ZMIZ1: variants seen among roughly 807,000 people sequenced by gnomAD.
ZMIZ1 encodes the protein zinc finger MIZ domain-containing protein 1.
In ZMIZ1, 17 loss-of-function variants were observed where a neutral mutation model predicts 113.9. The observed-to-expected ratio is 0.15, with a 90% CI of 0.10 to 0.22. The LOEUF (loss-of-function observed/expected upper bound fraction) is 0.22, where lower values mean the gene tolerates loss of function less well. Ranked by LOEUF, ZMIZ1 falls within the 10% of genes least tolerant of loss-of-function variation. ZMIZ1 has a pLI of 1.00. For synonymous variants in ZMIZ1, 607 were observed against 603.1 expected (o/e 1.01, Z -0.09); for missense variants, 1,059 against 1,477.8 (o/e 0.72, Z 4.65).
chr10:79,136,045 G>A (rs1844994507), intron 2 of ZMIZ1, among the ~76,000 whole-genome samples: 1 of 152,154 alleles, frequency 6.6e-6, no homozygotes, highest in Non-Finnish European at 1.5e-5. Context: ...GCTCCTAGGG[G>A]GCCAAAAGGC....
chr10:79,277,697 G>A (rs533316437), intron 8 of ZMIZ1, among the ~76,000 whole-genome samples: 1 of 152,252 alleles, frequency 6.6e-6, no homozygotes, highest in African/African-American at 2.4e-5. Flanking sequence ...GCCAAGATGG[G>A]GACAGAGCCA....
At chr10:79,184,855 G>A (rs1564705171) in intron 4 of ZMIZ1, among the ~76,000 whole-genome samples, 1 of 152,130 alleles carries the variant, frequency 6.6e-6, no homozygotes, top group Non-Finnish European at 1.5e-5. Context: ...GCCCGTCCCC[G>A]AGTCTTTACT....
At chr10:79,299,854 G>A (rs1469820973) in intron 16 of ZMIZ1, among the ~76,000 whole-genome samples, 2 of 152,206 alleles carry the variant, frequency 1.3e-5, no homozygotes, top group Admixed American at 1.3e-4. Flanking sequence ...TTGGGCCCAG[G>A]TCTCCAGGAT....
At position 79,155,911 on chromosome 10, in the gene ZMIZ1, C is replaced by T. The variant is rs562620370; in HGVS notation, c.-130-6142C>T. On this transcript the variant is annotated intron_variant, in intron 3 of 24. Coordinates refer to ENST00000334512, the MANE Select transcript of ZMIZ1 (RefSeq NM_020338.4). ...TCTGCCCCCCATTTTGCTTCCAGGC[C>T]GAGCTGGGCTGGCCCGCCAGCACTC... Among the ~76,000 whole-genome samples the T allele has an allele frequency of 1.2e-4, 19 of 152,336 alleles. No homozygotes were observed. In the South Asian group the frequency reaches 1.9e-3, roughly 15 times the overall value.
intron 7 of ZMIZ1, among the ~76,000 whole-genome samples, chr10:79,232,687 T>C (rs1849437955): frequency 6.6e-6 from 1 of 152,156 alleles, no homozygotes; most frequent in South Asian, 2.1e-4. Flanking sequence ...CTACTGCCAA[T>C]CAGTTAAGGA....
At chr10:79,097,970 A>C (rs1404681382) in intron 1 of ZMIZ1, among the ~76,000 whole-genome samples, 7 of 152,150 alleles carry the variant, frequency 4.6e-5, no homozygotes, top group South Asian at 2.1e-4. Flanking sequence ...GACTCTGTGG[A>C]TCACTCAGGC....
intron 1 of ZMIZ1, among the ~76,000 whole-genome samples, chr10:79,115,728 G>A (rs1010013354): frequency 1.5e-4 from 23 of 152,348 alleles, no homozygotes; most frequent in Admixed American, 1.2e-3. Flanking sequence ...ATGTGGGGGC[G>A]AGAGGCCCTT....
intron 7 of ZMIZ1, 187 bp downstream of exon 7, chr10:79,216,461 C>T: frequency 4.0e-6 from 2 of 502,810 alleles, no homozygotes; most frequent in South Asian, 5.7e-5. Flanking sequence ...CCTCGTGCCT[C>T]TCCCAGGGAG....
At chr10:79,247,525 C>A (rs1850281557) in intron 7 of ZMIZ1, among the ~76,000 whole-genome samples, 1 of 152,190 alleles carries the variant, frequency 6.6e-6, no homozygotes, top group South Asian at 2.1e-4. Flanking sequence ...CTTTTCCTCC[C>A]TCTCAGTAGC....
chr10:79,236,340 C>G (rs115421663), intron 7 of ZMIZ1, among the ~76,000 whole-genome samples: 1,779 of 152,320 alleles, frequency 0.012, 34 homozygotes, highest in Admixed American at 0.037. Flanking sequence ...GTGTGCCGCA[C>G]AGCCAGGCAG....
chr10:79,249,113 G>C (rs1179730177), intron 7 of ZMIZ1, among the ~76,000 whole-genome samples: 1 of 152,172 alleles, frequency 6.6e-6, no homozygotes, highest in Non-Finnish European at 1.5e-5. Context: ...AGAGAGGAAG[G>C]AAAAAGGAAG....
At chr10:79,266,478 C>T (rs1273585544) in intron 7 of ZMIZ1, among the ~76,000 whole-genome samples, 2 of 152,212 alleles carry the variant, frequency 1.3e-5, no homozygotes, top group Admixed American at 1.3e-4. Flanking sequence ...GGAAGAACCA[C>T]ACGGCTGGGA....
chr10:79,249,051 C>G (rs1213907841), intron 7 of ZMIZ1, among the ~76,000 whole-genome samples: 1 of 152,172 alleles, frequency 6.6e-6, no homozygotes, highest in Non-Finnish European at 1.5e-5. Context: ...AGGTCTGGTT[C>G]AACCCCTGTG....
At chr10:79,075,584 C>CCTGCACACAT (rs71030958) in intron 1 of ZMIZ1, among the ~76,000 whole-genome samples, 6 of 151,284 alleles carry the variant, frequency 4.0e-5, no homozygotes, top group Non-Finnish European at 7.4e-5. Flanking sequence ...CACATGCACA[C>CCTGCACACAT]ATGCACACCT....
At chr10:79,255,358 G>T (rs771192275) in intron 7 of ZMIZ1, among the ~76,000 whole-genome samples, 1 of 152,214 alleles carries the variant, frequency 6.6e-6, no homozygotes, top group East Asian at 1.9e-4. Flanking sequence ...CTGGCACCTG[G>T]GTTGCCCCCA....
intron 4 of ZMIZ1, 113 bp downstream of exon 4, chr10:79,162,246 A>C (rs1846141152): frequency 2.5e-6 from 1 of 397,326 alleles, no homozygotes; most frequent in South Asian, 1.4e-4. Flanking sequence ...CTCAGCCCTG[A>C]GGGGCAGGAG....
intron 4 of ZMIZ1, among the ~76,000 whole-genome samples, chr10:79,168,952 T>C (rs1447294243): frequency 6.6e-6 from 1 of 152,116 alleles, no homozygotes; most frequent in East Asian, 1.9e-4. Context: ...CACATCTGCC[T>C]CCCCCATTAA....
intron 7 of ZMIZ1, among the ~76,000 whole-genome samples, chr10:79,244,974 C>G (rs908520515): frequency 6.6e-5 from 10 of 152,196 alleles, no homozygotes; most frequent in African/African-American, 2.4e-4. Context: ...TCCTAACAAG[C>G]CTTTCCCCTT....
chr10:79,072,169 G>C (rs186789930), intron 1 of ZMIZ1, among the ~76,000 whole-genome samples: 4 of 152,198 alleles, frequency 2.6e-5, no homozygotes, highest in South Asian at 2.1e-4. Flanking sequence ...CTAAGCAAAG[G>C]GGGGAGGAGG....
Sources: gnomAD v4.1 joint callset for allele counts (sites outside exome capture counted in the v4.1 genomes callset) on GRCh38, gnomAD v4.1.1 for gene constraint, MANE v1.5 for transcripts, NCBI Gene and HGNC (gene_info 2026-07-23, HGNC 2026-07-21) for gene names.